RAPGEF2: variants seen among roughly 807,000 people sequenced by gnomAD.
RAPGEF2 encodes the protein PDZ domain containing guanine nucleotide exchange factor (GEF) 1.
In RAPGEF2, 54 loss-of-function variants were observed where a neutral mutation model predicts 186.7. The observed-to-expected ratio is 0.29, with a 90% CI of 0.23 to 0.36. The LOEUF (loss-of-function observed/expected upper bound fraction) is 0.36, where lower values mean the gene tolerates loss of function less well. Among genes scored for constraint, RAPGEF2 ranks in the 10% least tolerant of loss-of-function variants. RAPGEF2 has a pLI of 1.00. For synonymous variants in RAPGEF2, 712 were observed against 705.9 expected, an observed-to-expected ratio of 1.01 and a Z score of -0.14; for missense variants, 1,532 against 2,045.0, an observed-to-expected ratio of 0.75 and a Z score of 4.84.
intron 1 of RAPGEF2, among the ~76,000 whole-genome samples, chr4:159,142,188 C>G (rs1328390166): frequency 6.6e-6 from 1 of 152,128 alleles, no homozygotes; most frequent in Non-Finnish European, 1.5e-5. Flanking sequence ...ACCCTAATGT[C>G]ACTCAGAACA....
chr4:159,227,313 ATTGT>A (rs1283705331), intron 4 of RAPGEF2, among the ~76,000 whole-genome samples: 1 of 152,152 alleles, frequency 6.6e-6, no homozygotes, highest in African/African-American at 2.4e-5. Context: ...TCTTAATGTA[ATTGT>A]TTATTTTGCT....
intron 19 of RAPGEF2, among the ~76,000 whole-genome samples, chr4:159,340,669 A>C (rs1176218320): frequency 3.5e-5 from 4 of 114,170 alleles, no homozygotes; most frequent in African/African-American, 1.0e-4. Flanking sequence ...CACCATCACC[A>C]CACACACACA....
intron 7 of RAPGEF2, among the ~76,000 whole-genome samples, chr4:159,294,410 A>G (rs1255367724): frequency 6.6e-6 from 1 of 152,156 alleles, no homozygotes; most frequent in East Asian, 1.9e-4. Flanking sequence ...CTCCCTCTCC[A>G]GGGATTGCCG....
intron 26 of RAPGEF2, among the ~76,000 whole-genome samples, chr4:159,351,842 T>C (rs1006956246): frequency 6.6e-6 from 1 of 151,806 alleles, no homozygotes; most frequent in African/African-American, 2.4e-5. Context: ...TCCCAGCCAC[T>C]CGGGAGGCTG....
chr4:159,261,297 T>A (rs567515058), intron 7 of RAPGEF2, among the ~76,000 whole-genome samples: 15 of 151,724 alleles, frequency 9.9e-5, no homozygotes, highest in East Asian at 1.9e-4. Context: ...CTCCTGACCT[T>A]GTGATTCGCC....
At chr4:159,216,979 G>A (rs925687673) in intron 4 of RAPGEF2, among the ~76,000 whole-genome samples, 1 of 152,072 alleles carries the variant, frequency 6.6e-6, no homozygotes, top group Non-Finnish European at 1.5e-5. Flanking sequence ...CAAACAATGA[G>A]CTACTTGAGT....
At chr4:159,197,167 A>G (rs1400347429) in intron 3 of RAPGEF2, among the ~76,000 whole-genome samples, 2 of 152,224 alleles carry the variant, frequency 1.3e-5, no homozygotes, top group Non-Finnish European at 2.9e-5. Context: ...CATATATGTA[A>G]AAACACTGGA....
intron 7 of RAPGEF2, among the ~76,000 whole-genome samples, chr4:159,265,477 TTGTCTA>T (rs1323081175): frequency 6.6e-6 from 1 of 152,164 alleles, no homozygotes; most frequent in Non-Finnish European, 1.5e-5. Flanking sequence ...AAAGGCCCTT[TTGTCTA>T]TGAAGGAGGC....
At position 159,330,295 on chromosome 4, in the gene RAPGEF2, G is replaced by GTGTGTGTGTGTGTA. The variant is rs1554038040; in HGVS notation, c.1303-38_1303-37insGTGTGTGTGTGTAT. The GTGTGTGTGTGTGTA allele has an allele frequency of 1.9e-3, 1,781 of 923,516 alleles. 7 individuals carry two copies. The highest frequency in any genetic ancestry group is 6.6e-3 in the African/African-American group (379 of 57,272). The allele number at this position is 923,516 out of a possible 1,614,324, so 57.2% of individuals were successfully genotyped here. On this transcript the variant is annotated intron_variant, in intron 12 of 29. Coordinates refer to ENST00000691494, the MANE Select transcript of RAPGEF2 (RefSeq NM_001394067.2). ...TGTGTGTGTGTGTGTGTGTGTGTGTGTATATATATGTAGTAATTAAACCTT... is the reference window on the plus strand; with the variant it reads ...TGTGTGTGTGTGTGTGTGTGTGTGTGTGTGTGTGTGTGTATATATATATGTAGTAATTAAACCTT...
intron 1 of RAPGEF2, among the ~76,000 whole-genome samples, chr4:159,166,729 T>TA (rs368185398): frequency 2.0e-5 from 3 of 152,126 alleles, no homozygotes; most frequent in Admixed American, 6.5e-5. Flanking sequence ...ATATATACAT[T>TA]AAAAAAACCG....
At chr4:159,245,710 G>C (rs568839408) in intron 7 of RAPGEF2, among the ~76,000 whole-genome samples, 1 of 152,150 alleles carries the variant, frequency 6.6e-6, no homozygotes, top group Admixed American at 6.5e-5. Context: ...TTGGAGTGAC[G>C]TGGGAAGCTG....
chr4:159,315,909 G>T (rs1429207811), intron 9 of RAPGEF2, among the ~76,000 whole-genome samples: 1 of 152,214 alleles, frequency 6.6e-6, no homozygotes, highest in Non-Finnish European at 1.5e-5. Flanking sequence ...TAGGCCTCCG[G>T]ATAACTGCGG....
At chr4:159,327,862 T>G (rs1304365277) in intron 11 of RAPGEF2, 3 of 152,110 alleles carry the variant, frequency 2.0e-5, no homozygotes, top group Non-Finnish European at 2.9e-5. Flanking sequence ...TTTGGGATTT[T>G]TTTTTTTTTC....
chr4:159,116,751 G>A (rs1739093894), intron 1 of RAPGEF2, among the ~76,000 whole-genome samples: 1 of 152,154 alleles, frequency 6.6e-6, no homozygotes, highest in African/African-American at 2.4e-5. Flanking sequence ...TCCTTTGCAG[G>A]GAGATGGATG....
chr4:159,243,241 G>A (rs1754227138), intron 6 of RAPGEF2, among the ~76,000 whole-genome samples: 1 of 151,742 alleles, frequency 6.6e-6, no homozygotes, highest in African/African-American at 2.4e-5. Context: ...TTACTAATGT[G>A]TGACATGTGG....
At position 159,192,474 on chromosome 4, in the gene RAPGEF2, A is replaced by G. The variant is rs560370885; in HGVS notation, c.141-726A>G. Among the ~76,000 whole-genome samples, 84 of 152,294 alleles carry G rather than the reference A, an allele frequency of 5.5e-4. 1 individual carries two copies. The South Asian group carries it at 0.017, about 30-fold the overall frequency. On this transcript the variant is annotated intron_variant, in intron 2 of 29. Transcript: ENST00000691494. ...TTAATAGCCAGCTTTTTCTATTTCT[A>G]GTTCCTTCATAAGATGGAATAGTAA... is the stretch of plus-strand genomic sequence containing the variant.
chr4:159,221,030 G>C (rs138377462), intron 4 of RAPGEF2, among the ~76,000 whole-genome samples: 1 of 152,168 alleles, frequency 6.6e-6, no homozygotes, highest in Non-Finnish European at 1.5e-5. Flanking sequence ...TGGGGAAAGC[G>C]TATGAGAAAT....
intron 1 of RAPGEF2, among the ~76,000 whole-genome samples, chr4:159,134,884 G>A (rs1022380473): frequency 3.3e-5 from 5 of 152,154 alleles, no homozygotes; most frequent in African/African-American, 1.2e-4. Flanking sequence ...TCTGTCCTAA[G>A]CAACTACCAG....
At chr4:159,338,223 A>G in intron 17 of RAPGEF2, 88 bp from the exon 18 acceptor site, 5 of 1,206,124 alleles carry the variant, frequency 4.1e-6, no homozygotes, top group Non-Finnish European at 5.6e-6. Flanking sequence ...AAAAAATGGA[A>G]TATGGTTTTT....
Sources: allele counts gnomAD v4.1 joint callset (sites outside exome capture counted in the v4.1 genomes callset), GRCh38; gene constraint gnomAD v4.1.1; transcripts MANE v1.5; gene names NCBI Gene and HGNC (gene_info 2026-07-23, HGNC 2026-07-21).